The following EXOC4 variants were observed in gnomAD, a reference collection of about 807,000 sequenced individuals.
EXOC4 encodes the protein SEC8-like 1.
EXOC4 carries 71 observed loss-of-function variants against 107.2 expected under a neutral mutation model. The ratio of observed to expected loss-of-function variants is 0.66; its 90% CI spans 0.55 to 0.81. The LOEUF (loss-of-function observed/expected upper bound fraction) is 0.81. Among genes scored for constraint, EXOC4 ranks in the 30% least tolerant of loss-of-function variants. The probability of loss-of-function intolerance (pLI) is 0.00; values close to 1 mark genes in which losing one functional copy is unlikely to be tolerated. For missense variants in EXOC4, 1,108 were observed against 1,189.6 expected, an observed-to-expected ratio of 0.93 and a Z score of 1.01; for synonymous variants, 456 against 441.2, an observed-to-expected ratio of 1.03 and a Z score of -0.42.
the EXOC4 span, among the ~76,000 whole-genome samples, chr7:134,093,907 G>A: frequency 6.6e-6 from 1 of 152,086 alleles, no homozygotes; most frequent in East Asian, 1.9e-4. Context: ...AAAATCTCTG[G>A]CATGCAGCAA....
intron 5 of EXOC4, among the ~76,000 whole-genome samples, chr7:133,350,192 G>T (rs1795876045): frequency 1.3e-5 from 2 of 151,860 alleles, no homozygotes; most frequent in African/African-American, 2.4e-5. Context: ...AGTCCAATTT[G>T]ATTTTTTCTT....
At chr7:133,585,785 C>T (rs1801389622) in intron 9 of EXOC4, among the ~76,000 whole-genome samples, 1 of 152,106 alleles carries the variant, frequency 6.6e-6, no homozygotes. Context: ...CCTCTGCCTC[C>T]CAGGTTCAAG....
At chr7:134,082,907 T>C in the EXOC4 span, among the ~76,000 whole-genome samples, 1 of 152,180 alleles carries the variant, frequency 6.6e-6, no homozygotes, top group Non-Finnish European at 1.5e-5. Context: ...GGTAAAGGCC[T>C]CTGACAAGGT....
At chr7:133,367,466 G>A (rs1413541654) in intron 6 of EXOC4, among the ~76,000 whole-genome samples, 1 of 152,124 alleles carries the variant, frequency 6.6e-6, no homozygotes, top group Non-Finnish European at 1.5e-5. Flanking sequence ...TAATTATTTG[G>A]GACTTTTAGC....
At chr7:133,962,969 G>C (rs1286715322) in intron 14 of EXOC4, among the ~76,000 whole-genome samples, 2 of 152,246 alleles carry the variant, frequency 1.3e-5, no homozygotes, top group African/African-American at 4.8e-5. Flanking sequence ...TCTTAGAACA[G>C]ATGTATTGTG....
At chr7:133,825,974 C>G (rs1797693309) in intron 11 of EXOC4, among the ~76,000 whole-genome samples, 1 of 152,154 alleles carries the variant, frequency 6.6e-6, no homozygotes, top group Non-Finnish European at 1.5e-5. Flanking sequence ...GAAACATTAA[C>G]TTATCACTCA....
intron 9 of EXOC4, among the ~76,000 whole-genome samples, chr7:133,525,891 A>G (rs1462176463): frequency 6.6e-6 from 1 of 152,194 alleles, no homozygotes; most frequent in Non-Finnish European, 1.5e-5. Context: ...TTCCCCCTCT[A>G]AGGTCATGCC....
chr7:134,083,984 CTTCT>C, the EXOC4 span, among the ~76,000 whole-genome samples: 6 of 152,222 alleles, frequency 3.9e-5, no homozygotes, highest in African/African-American at 1.4e-4. Context: ...AATCTCTCCA[CTTCT>C]TTCTTTATAG....
chr7:134,077,799 G>T, the EXOC4 span, among the ~76,000 whole-genome samples: 1 of 152,230 alleles, frequency 6.6e-6, no homozygotes, highest in African/African-American at 2.4e-5. Context: ...CTTCACTATG[G>T]TGCCCAGGCA....
intron 7 of EXOC4, among the ~76,000 whole-genome samples, chr7:133,430,822 G>A (rs1397504086): frequency 2.6e-5 from 4 of 152,178 alleles, no homozygotes; most frequent in Admixed American, 2.0e-4. Flanking sequence ...ATCTATACTG[G>A]AATGAGTTAC....
chr7:133,644,200 A>G (rs940182586), intron 10 of EXOC4, among the ~76,000 whole-genome samples: 2 of 152,148 alleles, frequency 1.3e-5, no homozygotes, highest in African/African-American at 4.8e-5. Flanking sequence ...CTTCCTATCA[A>G]TTTCACTTTT....
At chr7:133,341,444 G>T (rs1164920570) in intron 5 of EXOC4, among the ~76,000 whole-genome samples, 4 of 152,172 alleles carry the variant, frequency 2.6e-5, no homozygotes, top group African/African-American at 9.7e-5. Context: ...CTGGTTTTGT[G>T]GCCTATCATA....
chr7:133,949,008 G>A (rs1800623885), intron 14 of EXOC4, among the ~76,000 whole-genome samples: 1 of 152,202 alleles, frequency 6.6e-6, no homozygotes, highest in African/African-American at 2.4e-5. Flanking sequence ...CGAATGCAAT[G>A]CTGTGTGCCT....
At chr7:133,682,057 T>G (rs1347143120) in intron 10 of EXOC4, among the ~76,000 whole-genome samples, 1 of 152,022 alleles carries the variant, frequency 6.6e-6, no homozygotes, top group Non-Finnish European at 1.5e-5. Flanking sequence ...CGTATAACCA[T>G]GCCCAGCTAT....
At chr7:133,462,345 G>A (rs551521187) in intron 7 of EXOC4, among the ~76,000 whole-genome samples, 4 of 152,258 alleles carry the variant, frequency 2.6e-5, no homozygotes, top group Admixed American at 2.6e-4. Context: ...ATATAAGAAT[G>A]ATTTATTCTA....
chr7:133,899,947 A>G (rs902942592), intron 12 of EXOC4, among the ~76,000 whole-genome samples: 1 of 151,916 alleles, frequency 6.6e-6, no homozygotes, highest in Non-Finnish European at 1.5e-5. Flanking sequence ...GAGTTTCACC[A>G]TGTTGGCCAG....
intron 10 of EXOC4, among the ~76,000 whole-genome samples, chr7:133,679,250 C>G (rs1794132220): frequency 6.6e-6 from 1 of 152,184 alleles, no homozygotes. Flanking sequence ...AAAATCTTAG[C>G]AAATTACATT....
intron 10 of EXOC4, among the ~76,000 whole-genome samples, chr7:133,729,369 A>G (rs1401190276): frequency 2.0e-5 from 3 of 152,162 alleles, no homozygotes; most frequent in Non-Finnish European, 4.4e-5. Context: ...TGTTAAAGCA[A>G]TGCTATTTGC....
intron 7 of EXOC4, among the ~76,000 whole-genome samples, chr7:133,452,957 T>A (rs1798380447): frequency 6.6e-6 from 1 of 151,980 alleles, no homozygotes; most frequent in African/African-American, 2.4e-5. Context: ...CTCCTTTCCC[T>A]TATGTAAAGT....
Sources: gnomAD v4.1 joint callset for allele counts (sites outside exome capture counted in the v4.1 genomes callset) on GRCh38, gnomAD v4.1.1 for gene constraint, MANE v1.5 for transcripts, NCBI Gene and HGNC (gene_info 2026-07-23, HGNC 2026-07-21) for gene names.